The following MUC13 variants were observed in gnomAD, a reference collection of about 807,000 sequenced individuals.
MUC13 encodes the protein mucin-13.
Under a neutral mutation model 48.3 loss-of-function variants are expected in MUC13, and 32 were observed. That is an observed-to-expected ratio of 0.66 (90% confidence interval 0.50 to 0.89). MUC13 has a LOEUF of 0.89. MUC13 is among the 40% of genes least tolerant of loss of function. The pLI, the probability that MUC13 is intolerant of heterozygous loss-of-function variation, is 0.00. For missense variants in MUC13, 571 were observed against 622.8 expected, an observed-to-expected ratio of 0.92 and a Z score of 0.88; for synonymous variants, 199 against 224.9, an observed-to-expected ratio of 0.88 and a Z score of 1.03.
intron 8 of MUC13, 58 bp downstream of exon 8, chr3:124,913,053 C>A (rs1935450739): frequency 6.3e-7 from 1 of 1,586,590 alleles, no homozygotes; most frequent in Admixed American, 1.7e-5. Flanking sequence ...GTTGTAAGGT[C>A]TCTCTACTTT....
At chr3:124,917,352 A>ATT (rs55997120) in intron 5 of MUC13, among the ~76,000 whole-genome samples, 275 of 144,784 alleles carry the variant, frequency 1.9e-3, no homozygotes, top group Middle Eastern at 3.5e-3. Context: ...CCTTTTTGAC[A>ATT]TTTTTTTTTT....
intron 1 of MUC13, among the ~76,000 whole-genome samples, chr3:124,932,679 C>T (rs965905277): frequency 1.3e-5 from 2 of 152,130 alleles, no homozygotes; most frequent in African/African-American, 4.8e-5. Context: ...GCACATCAGG[C>T]TCTTTGTCTC....
At chr3:124,918,751 T>A (rs1327145630) in intron 5 of MUC13, among the ~76,000 whole-genome samples, 3 of 152,124 alleles carry the variant, frequency 2.0e-5, no homozygotes, top group Non-Finnish European at 4.4e-5. Flanking sequence ...TATCCAGTCA[T>A]CCCCTACACA....
Position 124,927,779 on chromosome 3 carries a change from T to A in MUC13, c.267A>T (p.Ile89=). ...SSTIPTPAPP[I]ISTHSSSTIP... The stretch of plus-strand genomic sequence containing the variant: ...TTGTGGAGGAACTATGTGTACTAAT[T>A]ATGGGGGGAGCAGGTGTAGGAATTG... The change falls in exon 2 of 12, where the codon ATA becomes ATT. Residue 89 remains isoleucine, a synonymous_variant. Transcript: ENST00000616727. The A allele has an allele frequency of 6.2e-7, 1 of 1,606,424 alleles. No homozygotes were observed. Among genetic ancestry groups the A allele is most frequent in the Non-Finnish European group, 8.5e-7 (1 of 1,175,712 alleles).
At chr3:124,908,722 C>T (rs1935355910) in intron 10 of MUC13, among the ~76,000 whole-genome samples, 1 of 152,204 alleles carries the variant, frequency 6.6e-6, no homozygotes, top group Admixed American at 6.5e-5. Context: ...GCTGATCCAA[C>T]ATAACAATCT....
chr3:124,929,236 T>C (rs1315634710), intron 1 of MUC13, among the ~76,000 whole-genome samples: 1 of 150,506 alleles, frequency 6.6e-6, no homozygotes, highest in African/African-American at 2.4e-5. Flanking sequence ...AGTGCAGTGG[T>C]GCCATAATAG....
At chr3:124,925,294 C>T (rs934531060) in intron 2 of MUC13, among the ~76,000 whole-genome samples, 1 of 152,158 alleles carries the variant, frequency 6.6e-6, no homozygotes, top group Non-Finnish European at 1.5e-5. Flanking sequence ...GTAAAAAGAT[C>T]TGTGGTTGCC....
At chr3:124,918,742 A>G (rs1042246982) in intron 5 of MUC13, among the ~76,000 whole-genome samples, 1 of 152,188 alleles carries the variant, frequency 6.6e-6, no homozygotes, top group Non-Finnish European at 1.5e-5. Context: ...TCCTGTTTGT[A>G]TCCAGTCATC....
Position 124,905,548 on chromosome 3 carries a change from TAAA to T in MUC13, c.*1192_*1194del, listed in dbSNP as rs1019947916. ...TTTTAAGAGGACAAGGCATTAGAAA[TAAA>T]AAAGGACACTAATAACATTTGTAAA... On this transcript the variant is annotated 3_prime_UTR_variant, in exon 12 of 12. Coordinates refer to ENST00000616727, the MANE Select transcript of MUC13 (RefSeq NM_033049.4). The T allele has an allele frequency of 2.0e-5, 3 of 152,772 alleles. No individual in the cohort carries two copies. In the Admixed American group the frequency reaches 2.0e-4, roughly 10 times the overall value. The allele number at this position is 152,772 out of a possible 1,614,324, so 9.5% of individuals were successfully genotyped here.
chr3:124,908,970 A>G (rs62267673), intron 10 of MUC13, among the ~76,000 whole-genome samples: 25,394 of 152,084 alleles, frequency 0.17, 2,335 homozygotes, highest in South Asian at 0.22. Context: ...CCTGGCTAAC[A>G]TGGTGAAACC....
chr3:124,922,247 C>T lies in MUC13; in HGVS notation c.694G>A (p.Glu232Lys). 6 of 1,614,152 alleles carry T rather than the reference C, an allele frequency of 3.7e-6. No individual in the cohort carries two copies. Among genetic ancestry groups the T allele is most frequent in the Non-Finnish European group, 5.1e-6 (6 of 1,180,032 alleles). ...TCTTGATAGGCCATGGAATGTTTCT[C>T]TTCTGGGTCAAATGTTTCTGATACT... is the stretch of plus-strand genomic sequence containing the variant. ...VTVSETFDPE[E>K]KHSMAYQDLH... The change falls in exon 4 of 12, where the codon GAG (glutamate) becomes AAG (lysine). Residue 232 changes from glutamate to lysine, a missense_variant. By Grantham distance (56) the Glu-to-Lys change is moderately conservative. Coordinates refer to ENST00000616727, the MANE Select transcript of MUC13 (RefSeq NM_033049.4).
At chr3:124,912,167 C>G (rs773722263) in intron 8 of MUC13, 26 bp from the exon 9 acceptor site, 4 of 1,610,844 alleles carry the variant, frequency 2.5e-6, no homozygotes, top group Middle Eastern at 3.3e-4. Context: ...CAATAGGAAA[C>G]AGTGTTAAAG....
At chr3:124,914,026 C>T (rs1379732433) in intron 6 of MUC13, among the ~76,000 whole-genome samples, 3 of 152,124 alleles carry the variant, frequency 2.0e-5, no homozygotes, top group African/African-American at 7.2e-5. Flanking sequence ...CATGCCACTG[C>T]ACTCCAACTT....
intron 5 of MUC13, among the ~76,000 whole-genome samples, chr3:124,916,761 G>A (rs897068042): frequency 2.0e-5 from 3 of 152,150 alleles, no homozygotes; most frequent in African/African-American, 7.2e-5. Flanking sequence ...GAAAAATTAT[G>A]AATCACATTT....
intron 10 of MUC13, among the ~76,000 whole-genome samples, 194 bp downstream of exon 10, chr3:124,910,221 G>C (rs1935394813): frequency 6.6e-6 from 1 of 152,074 alleles, no homozygotes; most frequent in African/African-American, 2.4e-5. Flanking sequence ...TGTCATGCTG[G>C]TGGTCCTGTG....
chr3:124,914,116 A>G (rs1249421223), intron 6 of MUC13, among the ~76,000 whole-genome samples: 1 of 152,212 alleles, frequency 6.6e-6, no homozygotes, highest in Non-Finnish European at 1.5e-5. Flanking sequence ...CATTAGGGTT[A>G]AAAGATGAGT....
rs139421839 is a variant in MUC13 at position 124,922,252 on chromosome 3, G to A, written c.689C>T (p.Pro230Leu). The change falls in exon 4 of 12, where the codon CCA becomes CTA. Residue 230 changes from proline to leucine, a missense_variant. Coordinates refer to ENST00000616727, the MANE Select transcript of MUC13 (RefSeq NM_033049.4). ...ISVTVSETFD[P>L]EEKHSMAYQD... ...ATAGGCCATGGAATGTTTCTCTTCT[G>A]GGTCAAATGTTTCTGATACTGTCAC... The A allele has an allele frequency of 3.1e-5, 50 of 1,614,080 alleles. No homozygotes were observed. The highest frequency in any genetic ancestry group is 3.1e-5 in the Non-Finnish European group (37 of 1,179,996).
At chr3:124,925,663 G>C (rs938361999) in intron 2 of MUC13, among the ~76,000 whole-genome samples, 2 of 152,150 alleles carry the variant, frequency 1.3e-5, no homozygotes, top group African/African-American at 4.8e-5. Flanking sequence ...GCCCAGCCTG[G>C]AGTGCACTGA....
intron 6 of MUC13, 39 bp from the exon 7 acceptor site, chr3:124,913,720 A>G (rs1935464498): frequency 6.2e-7 from 1 of 1,612,596 alleles, no homozygotes; most frequent in Admixed American, 1.7e-5. Flanking sequence ...ATTCAGCATG[A>G]CAATATGGAT....
Sources: allele counts gnomAD v4.1 joint callset (sites outside exome capture counted in the v4.1 genomes callset), GRCh38; gene constraint gnomAD v4.1.1; transcripts MANE v1.5; gene names NCBI Gene and HGNC (gene_info 2026-07-23, HGNC 2026-07-21).